Variants in ACOXL observed in about 807,000 individuals in gnomAD.
The protein encoded by ACOXL is acyl-coenzyme A oxidase-like protein.
ACOXL carries 70 observed loss-of-function variants against 71.9 expected under a neutral mutation model. That is an observed-to-expected ratio of 0.97 (90% CI 0.80 to 1.19). The LOEUF is 1.19. Ranked by LOEUF, ACOXL falls within the 50% of genes most tolerant of loss-of-function variation. The pLI, the probability that ACOXL is intolerant of heterozygous loss-of-function variation, is 0.00. For missense variants in ACOXL, 703 were observed against 736.3 expected, an observed-to-expected ratio of 0.95 and a Z score of 0.52; for synonymous variants, 253 against 281.6, an observed-to-expected ratio of 0.90 and a Z score of 1.02.
At chr2:111,033,626 A>G (rs2065374331) in intron 15 of ACOXL, among the ~76,000 whole-genome samples, 1 of 152,182 alleles carries the variant, frequency 6.6e-6, no homozygotes, top group South Asian at 2.1e-4. Flanking sequence ...CCTTTAAGAA[A>G]TTTATGTAAA....
chr2:110,890,435 T>C (rs1157587392), intron 10 of ACOXL, among the ~76,000 whole-genome samples: 1 of 152,182 alleles, frequency 6.6e-6, no homozygotes, highest in Non-Finnish European at 1.5e-5. Flanking sequence ...CTAAGAGTGT[T>C]ATAGTTTTAA....
intron 10 of ACOXL, among the ~76,000 whole-genome samples, chr2:110,905,152 AG>A (rs1558704620): frequency 1.3e-5 from 2 of 152,128 alleles, no homozygotes; most frequent in African/African-American, 4.8e-5. Flanking sequence ...AGGGCATTCC[AG>A]GGAAAAGCAA....
At chr2:110,900,717 C>T (rs2059201119) in intron 10 of ACOXL, among the ~76,000 whole-genome samples, 1 of 152,206 alleles carries the variant, frequency 6.6e-6, no homozygotes. Context: ...CAAAGGCAGC[C>T]AGGTTCCTTG....
At chr2:110,948,736 A>C (rs1439073966) in intron 12 of ACOXL, among the ~76,000 whole-genome samples, 3 of 150,912 alleles carry the variant, frequency 2.0e-5, no homozygotes, top group African/African-American at 7.3e-5. Flanking sequence ...AAATAGACTG[A>C]AAAATCCAAA....
intron 7 of ACOXL, 31 bp from the exon 8 acceptor site, chr2:110,801,621 T>G (rs1362418802): frequency 6.3e-7 from 1 of 1,583,580 alleles, no homozygotes; most frequent in Non-Finnish European, 8.7e-7. Flanking sequence ...CTTCTGATGC[T>G]GCATCCATTT....
chr2:110,898,318 C>T (rs2059097801), intron 10 of ACOXL, among the ~76,000 whole-genome samples: 1 of 151,988 alleles, frequency 6.6e-6, no homozygotes, highest in African/African-American at 2.4e-5. Flanking sequence ...CAATATTCTT[C>T]ATGAATATAG....
At chr2:110,810,369 G>A (rs1687157925) in intron 9 of ACOXL, among the ~76,000 whole-genome samples, 1 of 152,062 alleles carries the variant, frequency 6.6e-6, no homozygotes, top group South Asian at 2.1e-4. Flanking sequence ...TTTAGTCCCT[G>A]CAAGGCCTAG....
At chr2:110,873,670 C>G (rs1183470813) in intron 10 of ACOXL, among the ~76,000 whole-genome samples, 1 of 152,154 alleles carries the variant, frequency 6.6e-6, no homozygotes, top group African/African-American at 2.4e-5. Flanking sequence ...AGCCTCCCTG[C>G]TCATCCCTCA....
intron 17 of ACOXL, among the ~76,000 whole-genome samples, chr2:111,104,343 A>C (rs1305849101): frequency 1.3e-5 from 2 of 152,204 alleles, no homozygotes; most frequent in African/African-American, 2.4e-5. Context: ...ATTTCTCTGT[A>C]GTAGATGTTC....
At chr2:110,966,764 A>G (rs1275009147) in intron 12 of ACOXL, among the ~76,000 whole-genome samples, 35 of 152,218 alleles carry the variant, frequency 2.3e-4, no homozygotes, top group Admixed American at 2.3e-3. Flanking sequence ...AAAAGGGGGT[A>G]GTTGGCCCTG....
intron 10 of ACOXL, among the ~76,000 whole-genome samples, chr2:110,853,150 C>T (rs182591005): frequency 2.0e-5 from 3 of 152,276 alleles, no homozygotes; most frequent in Non-Finnish European, 4.4e-5. Flanking sequence ...TCCTCCTATA[C>T]CTGTGGTTCT....
intron 1 of ACOXL, among the ~76,000 whole-genome samples, chr2:110,739,048 C>T (rs1238886000): frequency 2.0e-5 from 3 of 152,190 alleles, no homozygotes; most frequent in African/African-American, 7.2e-5. Flanking sequence ...GTGTTCCCTT[C>T]TATTCTCTGC....
intron 16 of ACOXL, among the ~76,000 whole-genome samples, chr2:111,086,111 T>C (rs887023932): frequency 2.0e-5 from 3 of 152,156 alleles, no homozygotes; most frequent in Non-Finnish European, 4.4e-5. Context: ...ACCAGATGGA[T>C]TCACAGTTGA....
intron 12 of ACOXL, among the ~76,000 whole-genome samples, chr2:110,971,088 C>T (rs2062164208): frequency 6.6e-6 from 1 of 152,050 alleles, no homozygotes; most frequent in Non-Finnish European, 1.5e-5. Context: ...GGACTTGAGT[C>T]TAGAATATAT....
rs1488935066 is a variant in ACOXL, at chr2:110,767,933, C to T, written c.-22-435C>T. On this transcript the variant is annotated intron_variant, in intron 1 of 17. Transcript: ENST00000439055. ...ACCCTGTCTCTACTAAACACACACA[C>T]ACACACACACACACACACACACACA... Among the ~76,000 whole-genome samples, 15 of 106,820 alleles carry T rather than the reference C, an allele frequency of 1.4e-4. No individual in the cohort carries two copies. The South Asian group carries it at 4.6e-3, about 33-fold the overall frequency. 70.1% of individuals were successfully genotyped at this position (106,820 alleles called of 152,430 possible).
chr2:110,930,062 C>T (rs2060423455), intron 11 of ACOXL, among the ~76,000 whole-genome samples: 1 of 152,126 alleles, frequency 6.6e-6, no homozygotes, highest in Admixed American at 6.5e-5. Context: ...AGAGCTGTGT[C>T]CTCCAGACCC....
intron 12 of ACOXL, among the ~76,000 whole-genome samples, chr2:110,957,005 C>T (rs1574276377): frequency 6.6e-6 from 1 of 152,124 alleles, no homozygotes; most frequent in East Asian, 1.9e-4. Context: ...TCTGGCGCTT[C>T]CCTCTCTGAG....
chr2:110,909,291 GGT>G (rs934710810), intron 11 of ACOXL, among the ~76,000 whole-genome samples: 2 of 152,116 alleles, frequency 1.3e-5, no homozygotes, highest in African/African-American at 4.8e-5. Context: ...AATACGTCCA[GGT>G]GTGTGTGTAT....
intron 17 of ACOXL, among the ~76,000 whole-genome samples, chr2:111,114,967 C>T (rs2070246328): frequency 6.6e-6 from 1 of 152,148 alleles, no homozygotes; most frequent in East Asian, 1.9e-4. Flanking sequence ...TCTCAAATTC[C>T]ACTCACTGGC....
Sources: gnomAD v4.1 joint callset for allele counts (sites outside exome capture counted in the v4.1 genomes callset) on GRCh38, gnomAD v4.1.1 for gene constraint, MANE v1.5 for transcripts, NCBI Gene and HGNC (gene_info 2026-07-23, HGNC 2026-07-21) for gene names.